Variants in FGGY observed in about 807,000 individuals in gnomAD.
FGGY encodes FGGY carbohydrate kinase domain containing, also known as FGGY carbohydrate kinase domain-containing protein.
FGGY carries 72 observed loss-of-function variants against 71.3 expected under a neutral mutation model. The ratio of observed to expected loss-of-function variants is 1.01; its 90% confidence interval spans 0.84 to 1.23. The LOEUF (loss-of-function observed/expected upper bound fraction) is 1.23. Among genes scored for constraint, FGGY ranks in the 50% most tolerant of loss-of-function variants. The pLI is 0.00. For missense variants in FGGY, 668 were observed against 682.3 expected (o/e 0.98, Z 0.23); for synonymous variants, 251 against 250.3 (o/e 1.00, Z -0.02).
At chr1:59,350,456 T>C (rs2053046994) in intron 4 of FGGY, among the ~76,000 whole-genome samples, 1 of 152,032 alleles carries the variant, frequency 6.6e-6, no homozygotes, top group South Asian at 2.1e-4. Context: ...AAGATATGAG[T>C]AGAGGTTTTG....
At chr1:59,641,192 C>A in intron 11 of FGGY, 1 of 974,634 alleles carries the variant, frequency 1.0e-6, no homozygotes, top group Non-Finnish European at 1.6e-6. Flanking sequence ...ACAATTTTGG[C>A]TCCTTGTATC....
At chr1:59,384,771 G>C (rs113372463) in intron 5 of FGGY, among the ~76,000 whole-genome samples, 242 of 151,722 alleles carry the variant, frequency 1.6e-3, no homozygotes, top group Middle Eastern at 6.8e-3. Context: ...CAGTTCTCTG[G>C]GTAAAACCTC....
At chr1:59,469,648 A>G (rs1210869118) in intron 6 of FGGY, among the ~76,000 whole-genome samples, 2 of 152,090 alleles carry the variant, frequency 1.3e-5, no homozygotes, top group South Asian at 2.1e-4. Flanking sequence ...TTACATAGGT[A>G]AACTTGTGTC....
intron 9 of FGGY, among the ~76,000 whole-genome samples, chr1:59,622,700 T>A (rs1371013484): frequency 6.6e-6 from 1 of 152,286 alleles, no homozygotes; most frequent in South Asian, 2.1e-4. Context: ...CTACTATGGT[T>A]GCCTTGAACT....
intron 13 of FGGY, chr1:59,673,806 A>ATATGGTGTTGG (rs1553392407): frequency 8.4e-6 from 4 of 475,884 alleles, no homozygotes; most frequent in Non-Finnish European, 1.5e-5. Context: ...GTGAGTTGAT[A>ATATGGTGTTGG]TATATGGTGT....
At chr1:59,686,705 C>T (rs1206090515) in intron 14 of FGGY, among the ~76,000 whole-genome samples, 1 of 152,024 alleles carries the variant, frequency 6.6e-6, no homozygotes, top group African/African-American at 2.4e-5. Flanking sequence ...ATCTAGTACC[C>T]TCTCTTTTAC....
At position 59,489,159 on chromosome 1, in the gene FGGY, A is replaced by C. The variant is rs547089613; in HGVS notation, c.671-23152A>C. ...ACATAGTGATGTCACAGTACATATA[A>C]TGTGTAGTGATCGGGTCAGTGTAAT... On this transcript the variant is annotated intron_variant, in intron 6 of 15. Transcript: ENST00000303721. 3.9e-5 allele frequency among the ~76,000 whole-genome samples: 6 copies of C among 152,246 alleles called. 1 individual carries two copies. In the South Asian group the frequency reaches 1.2e-3, roughly 32 times the overall value.
chr1:59,548,755 CAT>C (rs769306794), intron 7 of FGGY, among the ~76,000 whole-genome samples: 1 of 152,164 alleles, frequency 6.6e-6, no homozygotes, highest in South Asian at 2.1e-4. Flanking sequence ...TCAATTGCCA[CAT>C]GTGTCTGGTA....
chr1:59,509,126 T>A (rs1384280779), intron 6 of FGGY, among the ~76,000 whole-genome samples: 1 of 152,216 alleles, frequency 6.6e-6, no homozygotes, highest in Non-Finnish European at 1.5e-5. Flanking sequence ...ATCTGGCAGC[T>A]GTCTGCTGAC....
intron 13 of FGGY, among the ~76,000 whole-genome samples, chr1:59,669,837 G>A (rs147779411): frequency 3.8e-4 from 58 of 152,262 alleles, no homozygotes; most frequent in African/African-American, 1.3e-3. Context: ...GAGTGACCCC[G>A]GCACTGACTC....
chr1:59,446,368 A>C (rs1441178091), intron 5 of FGGY, among the ~76,000 whole-genome samples: 1 of 152,136 alleles, frequency 6.6e-6, no homozygotes, highest in Non-Finnish European at 1.5e-5. Flanking sequence ...GTTATCGGCA[A>C]GTCTGACCGA....
At chr1:59,432,904 C>G (rs113304705) in intron 5 of FGGY, among the ~76,000 whole-genome samples, 3 of 152,300 alleles carry the variant, frequency 2.0e-5, no homozygotes, top group African/African-American at 7.2e-5. Flanking sequence ...ACTGGGAGCT[C>G]TCTTACTTCA....
chr1:59,615,482 T>C (rs545960716), intron 9 of FGGY, among the ~76,000 whole-genome samples: 1 of 152,296 alleles, frequency 6.6e-6, no homozygotes, highest in South Asian at 2.1e-4. Context: ...TTACACCCTA[T>C]ACAAAAATTA....
intron 7 of FGGY, among the ~76,000 whole-genome samples, chr1:59,527,981 T>A (rs1438316965): frequency 6.6e-6 from 1 of 152,210 alleles, no homozygotes; most frequent in Non-Finnish European, 1.5e-5. Context: ...AAAATGCGGA[T>A]GGCTGGGTCC....
rs527359017 is a variant in FGGY at position 59,762,419 on chromosome 1, T to C, written c.1575-84T>C. 11 of 1,009,310 alleles carry C rather than the reference T, an allele frequency of 1.1e-5. No individual in the cohort carries two copies. The East Asian group carries it at 2.6e-4, about 24-fold the overall frequency. The allele number at this position is 1,009,310 out of a possible 1,614,324, so 62.5% of individuals were successfully genotyped here. A position where few individuals can be genotyped will look rare whatever the true frequency, so the allele number is the denominator to read the frequency against. ...GGTGTCAGCATCACCACCACACATA[T>C]ATTTCCATTCTTCTAAATGTACAGG... is the stretch of plus-strand genomic sequence containing the variant. On this transcript the variant is annotated intron_variant, in intron 15 of 15. Coordinates refer to ENST00000303721, the MANE Select transcript of FGGY (RefSeq NM_018291.5).
intron 5 of FGGY, among the ~76,000 whole-genome samples, chr1:59,435,144 C>T (rs1218280998): frequency 6.6e-6 from 1 of 152,168 alleles, no homozygotes; most frequent in Non-Finnish European, 1.5e-5. Flanking sequence ...TTACAAATGA[C>T]AACTTGTATT....
intron 4 of FGGY, among the ~76,000 whole-genome samples, chr1:59,347,717 A>G (rs2052368300): frequency 6.6e-6 from 1 of 152,198 alleles, no homozygotes; most frequent in Non-Finnish European, 1.5e-5. Context: ...AGGATTCCCT[A>G]TTTAATAAAT....
chr1:59,672,052 C>T (rs1168412084), intron 13 of FGGY, among the ~76,000 whole-genome samples: 1 of 152,168 alleles, frequency 6.6e-6, no homozygotes, highest in Non-Finnish European at 1.5e-5. Context: ...TCTTCAAAAA[C>T]GTCCCAGGTC....
intron 14 of FGGY, chr1:59,699,440 T>C: frequency 1.0e-6 from 1 of 978,326 alleles, no homozygotes; most frequent in Non-Finnish European, 1.2e-6. Flanking sequence ...ACCTAGGGGC[T>C]GTAGAGAACA....
Sources: allele counts gnomAD v4.1 joint callset (sites outside exome capture counted in the v4.1 genomes callset), GRCh38; gene constraint gnomAD v4.1.1; transcripts MANE v1.5; gene names NCBI Gene and HGNC (gene_info 2026-07-23, HGNC 2026-07-21).